TMEM63A: variants seen among roughly 807,000 people sequenced by gnomAD.
TMEM63A encodes mechanosensitive cation channel TMEM63A.
TMEM63A carries 76 observed loss-of-function variants against 100.6 expected under a neutral mutation model. That is an observed-to-expected ratio of 0.76 (90% confidence interval 0.63 to 0.91). The LOEUF (loss-of-function observed/expected upper bound fraction) is 0.91. Among genes scored for constraint, TMEM63A ranks in the 40% least tolerant of loss-of-function variants. The pLI is 0.00. For missense variants in TMEM63A, 876 were observed against 1,008.8 expected (o/e 0.87, Z 1.78); for synonymous variants, 401 against 401.1 (o/e 1.00, Z 0.00).
intron 2 of TMEM63A, among the ~76,000 whole-genome samples, chr1:225,878,365 C>T (rs1670918005): frequency 6.6e-6 from 1 of 152,120 alleles, no homozygotes; most frequent in African/African-American, 2.4e-5. Flanking sequence ...TCAGGAGTCC[C>T]AGGGCCTCCT....
intron 10 of TMEM63A, chr1:225,864,206 C>T (rs937239968): frequency 6.6e-6 from 1 of 152,198 alleles, no homozygotes; most frequent in Non-Finnish European, 1.5e-5. Flanking sequence ...CATACAATTC[C>T]AGGGGATTCC....
In TMEM63A at chr1:225,867,013, C is replaced by T. The variant is rs896315281; in HGVS notation, c.566+99G>A. On this transcript the variant is annotated intron_variant, in intron 8 of 24. Coordinates refer to ENST00000366835, the MANE Select transcript of TMEM63A (RefSeq NM_014698.3). The surrounding 1 kb of genome is among the most constrained non-coding windows in gnomAD (Gnocchi z 4.6). Reference sequence around the variant, plus strand: ...CTGCAAGGGGCCTTCAGATACCAGCCGGCCCCCTTTGGAGTACCTCTGGCC... The same window carrying T: ...CTGCAAGGGGCCTTCAGATACCAGCTGGCCCCCTTTGGAGTACCTCTGGCC... 11 of 1,241,146 alleles carry T rather than the reference C, an allele frequency of 8.9e-6. No individual in the cohort carries two copies. The highest frequency in any genetic ancestry group is 2.3e-5 in the East Asian group (1 of 43,090). The allele number at this position is 1,241,146 out of a possible 1,614,324, so 76.9% of individuals were successfully genotyped here. A position where few individuals can be genotyped will look rare whatever the true frequency, so the allele number is the denominator to read the frequency against.
intron 23 of TMEM63A, 168 bp from the exon 24 acceptor site, chr1:225,847,381 G>GA (rs1669068356): frequency 1.3e-6 from 1 of 751,736 alleles, no homozygotes; most frequent in Admixed American, 3.0e-5. Flanking sequence ...GACACCTGCA[G>GA]AATTTCCTAG....
chr1:225,845,681 C>A lies in TMEM63A; in HGVS notation c.*1258G>T. The A allele has an allele frequency of 2.2e-6, 1 of 445,496 alleles. No homozygotes were observed. 27.6% of individuals were successfully genotyped at this position (445,496 alleles called of 1,614,324 possible). A position where few individuals can be genotyped will look rare whatever the true frequency, so the allele number is the denominator to read the frequency against. On this transcript the variant is annotated 3_prime_UTR_variant, in exon 25 of 25. Coordinates refer to ENST00000366835, the MANE Select transcript of TMEM63A (RefSeq NM_014698.3). The stretch of plus-strand genomic sequence containing the variant: ...CACGGGAGGCCTGCTGGGGATGAGG[C>A]CACTGGCCAGGGCTATGCTGCACCA...
rs1452171181 is a variant in TMEM63A at position 225,853,213 on chromosome 1, G to C, written c.1797+416C>G. 6.6e-6 allele frequency among the ~76,000 whole-genome samples: 1 copy of C among 152,174 alleles called. No homozygotes were observed. Among genetic ancestry groups the C allele is most frequent in the African/African-American group, 2.4e-5 (1 of 41,446 alleles). On this transcript the variant is annotated intron_variant, in intron 19 of 24. Transcript: ENST00000366835. The surrounding 1 kb of genome is among the most constrained non-coding windows in gnomAD (Gnocchi z 4.0). ...CTTTCCTCGCACAGTGCCCACCATG[G>C]CAGAGGAGAATAAAAGAGAAAGCCA...
At chr1:225,852,607 G>C (rs1401346049) in intron 20 of TMEM63A, 57 bp downstream of exon 20, 1 of 1,552,768 alleles carries the variant, frequency 6.4e-7, no homozygotes, top group Non-Finnish European at 8.9e-7. Flanking sequence ...GAGAGGTTTG[G>C]TGCAATCAGC....
At chr1:225,860,127 G>A (rs1191156656) in intron 14 of TMEM63A, 2 of 152,738 alleles carry the variant, frequency 1.3e-5, no homozygotes, top group Non-Finnish European at 2.9e-5. Context: ...CCTGAGTTTA[G>A]GAAGCCTTGT....
chr1:225,872,173 C>G, intron 4 of TMEM63A, 120 bp from the exon 5 acceptor site: 4 of 689,842 alleles, frequency 5.8e-6, no homozygotes, highest in Non-Finnish European at 4.9e-6. Context: ...CCAAAGCTAC[C>G]AGCCCTCGAT....
chr1:225,863,056 T>C (rs767099901), intron 10 of TMEM63A: 28 of 576,832 alleles, frequency 4.9e-5, no homozygotes, highest in Non-Finnish European at 8.1e-5. Flanking sequence ...GCTTTTGTTT[T>C]GTTTTGTTTT....
Position 225,877,500 on chromosome 1 carries a change from G to C in TMEM63A, c.81C>G (p.Pro27=). 2 of 1,614,184 alleles carry C rather than the reference G, an allele frequency of 1.2e-6. No individual in the cohort carries two copies. The highest frequency in any genetic ancestry group is 1.7e-6 in the Non-Finnish European group (2 of 1,180,034). ...CCGAGTTGTAGCAATAGGAGTCGTT[G>C]GGCCGGTCCCCGAGTCCCAGCTGCT... is the stretch of plus-strand genomic sequence containing the variant. ...IREQLGLGDR[P]NDSYCYNSAK... Residue 27 remains proline, a synonymous_variant, in exon 3 of 25, where the codon CCC becomes CCG. Transcript: ENST00000366835.
At chr1:225,857,647 C>T (rs955450014) in intron 15 of TMEM63A, among the ~76,000 whole-genome samples, 8 of 151,294 alleles carry the variant, frequency 5.3e-5, no homozygotes, top group South Asian at 2.1e-4. Flanking sequence ...AGTAAATTAA[C>T]GATAAAAGAT....
At chr1:225,872,958 T>G (rs1670594556) in intron 4 of TMEM63A, among the ~76,000 whole-genome samples, 1 of 152,082 alleles carries the variant, frequency 6.6e-6, no homozygotes, top group Non-Finnish European at 1.5e-5. Flanking sequence ...CCTCCCAAAG[T>G]GCTGGGATTA....
intron 10 of TMEM63A, 198 bp from the exon 11 acceptor site, chr1:225,863,049 T>TTTGTA: frequency 3.5e-6 from 2 of 570,186 alleles, no homozygotes; most frequent in Non-Finnish European, 6.3e-6. Flanking sequence ...AAAGAGGGCT[T>TTTGTA]TTGTTTTGTT....
At position 225,852,773 on chromosome 1, in the gene TMEM63A, G is replaced by A. The variant is rs749872157; in HGVS notation, c.1798-4C>T. 4 of 1,613,626 alleles carry A rather than the reference G, an allele frequency of 2.5e-6. No homozygotes were observed. The highest frequency in any genetic ancestry group is 1.7e-4 in the Middle Eastern group (1 of 6,018). The stretch of plus-strand genomic sequence containing the variant: ...ACTCGTACTGGAAGGCCTGGTTCTG[G>A]GAGGAGGAGGTGGTGAGGAGCTCAT... On this transcript the variant is annotated splice_region_variant and splice_polypyrimidine_tract_variant and intron_variant, in intron 19 of 24. Transcript: ENST00000366835.
chr1:225,880,162 G>A (rs360102), intron 1 of TMEM63A, among the ~76,000 whole-genome samples: 80,529 of 152,020 alleles, frequency 0.53, 23,179 homozygotes, highest in Middle Eastern at 0.64. Context: ...AGCCTGAGAC[G>A]GAGGTAAGGT....
Position 225,846,247 on chromosome 1 carries a change from G to C in TMEM63A, c.*692C>G, listed in dbSNP as rs942005330. On this transcript the variant is annotated 3_prime_UTR_variant, in exon 25 of 25. Coordinates refer to ENST00000366835, the MANE Select transcript of TMEM63A (RefSeq NM_014698.3). ...GTGAGTACTGCACAGAGCCTGCCTG[G>C]AGGTGCAGACTCATGCACTCAGCCC... 1.3e-5 allele frequency: 2 copies of C among 152,692 alleles called. No individual in the cohort carries two copies. Among genetic ancestry groups the C allele is most frequent in the Admixed American group, 6.5e-5 (1 of 15,300 alleles). The allele number at this position is 152,692 out of a possible 1,614,324, so 9.5% of individuals were successfully genotyped here.
chr1:225,866,047 G>T, intron 9 of TMEM63A, 80 bp from the exon 10 acceptor site: 1 of 1,445,546 alleles, frequency 6.9e-7, no homozygotes. Flanking sequence ...CCCAACTCCA[G>T]CCTCTGGAAA....
At chr1:225,850,628 C>T (rs987526234) in intron 20 of TMEM63A, among the ~76,000 whole-genome samples, 1 of 152,198 alleles carries the variant, frequency 6.6e-6, no homozygotes, top group African/African-American at 2.4e-5. Context: ...TAAATGCGAA[C>T]TTCGCCTGGC....
Position 225,877,539 on chromosome 1 carries a change from T to C in TMEM63A, c.42A>G (p.Ala14=). ...GTCCCAGCTGCTCCCTGATGGACAC[T>C]GCCTTGGACTGCCACAGCTCCAGGA... ...SPFLELWQSK[A]VSIREQLGLG... is the part of the protein sequence containing the mutation. Residue 14 remains alanine, a synonymous_variant, in exon 3 of 25, where the codon GCA becomes GCG. Coordinates refer to ENST00000366835, the MANE Select transcript of TMEM63A (RefSeq NM_014698.3). 6.2e-7 allele frequency: 1 copy of C among 1,614,110 alleles called. No homozygotes were observed. The highest frequency in any genetic ancestry group is 8.5e-7 in the Non-Finnish European group (1 of 1,179,986).
Sources: gnomAD v4.1 joint callset for allele counts (sites outside exome capture counted in the v4.1 genomes callset) on GRCh38, gnomAD v4.1.1 for gene constraint, Gnocchi (gnomAD v3.1) non-coding constraint, MANE v1.5 for transcripts, NCBI Gene and HGNC (gene_info 2026-07-23, HGNC 2026-07-21) for gene names.